The following MEGF10 variants were observed in gnomAD, a reference collection of about 807,000 sequenced individuals.
The protein encoded by MEGF10 is multiple EGF like domains 10.
In MEGF10, 86 loss-of-function variants were observed where a neutral mutation model predicts 147.5. The ratio of observed to expected loss-of-function variants is 0.58; its 90% confidence interval spans 0.49 to 0.70. The LOEUF (loss-of-function observed/expected upper bound fraction) is 0.70, where lower values mean the gene tolerates loss of function less well. MEGF10 is among the 30% of genes least tolerant of loss of function. The pLI is 0.00. For synonymous variants in MEGF10, 478 were observed against 525.5 expected (o/e 0.91, Z 1.24); for missense variants, 1,329 against 1,487.3 (o/e 0.89, Z 1.75).
At chr5:127,346,806 T>A (rs1044603166) in intron 4 of MEGF10, among the ~76,000 whole-genome samples, 3 of 152,170 alleles carry the variant, frequency 2.0e-5, no homozygotes, top group Non-Finnish European at 4.4e-5. Flanking sequence ...ACAGGTTGAG[T>A]ATCCAAAATG....
At chr5:127,369,552 T>C (rs1762776864) in intron 4 of MEGF10, among the ~76,000 whole-genome samples, 1 of 152,216 alleles carries the variant, frequency 6.6e-6, no homozygotes, top group Non-Finnish European at 1.5e-5. Flanking sequence ...ATATCTTGCT[T>C]TGTGTTTCGT....
At chr5:127,352,951 C>T (rs1266679164) in intron 4 of MEGF10, among the ~76,000 whole-genome samples, 2 of 152,210 alleles carry the variant, frequency 1.3e-5, no homozygotes, top group Non-Finnish European at 2.9e-5. Context: ...CTTCCTAGCT[C>T]TTGCACTCAT....
In MEGF10 at chr5:127,350,356, G is replaced by A. The variant is rs574346436; in HGVS notation, c.319+9726G>A. Among the ~76,000 whole-genome samples the A allele has an allele frequency of 7.2e-5, 11 of 152,238 alleles. No individual in the cohort carries two copies. In the East Asian group the frequency reaches 2.1e-3, roughly 29 times the overall value. On this transcript the variant is annotated intron_variant, in intron 4 of 24. Transcript: ENST00000503335. ...TAAGATAAAAATTTGTATAACTCAA[G>A]TTGTCTTGAATATTGTGTGTCCCAA...
rs1291102521 is a variant in MEGF10 at position 127,445,497 on chromosome 5, A to C, written c.2532A>C (p.Arg844=). The change falls in exon 20 of 25, where the codon CGA becomes CGC. Residue 844 remains arginine, a synonymous_variant. Transcript: ENST00000503335. The stretch of plus-strand genomic sequence containing the variant: ...TTGGAAATCTGAACAGCTTAAGCCG[A>C]ACCAGTACTGCTCTCCCTGCTGATT... The part of the protein sequence containing the change: ...IIVGNLNSLS[R]TSTALPADSY... 6.2e-7 allele frequency: 1 copy of C among 1,614,172 alleles called. No homozygotes were observed. The highest frequency in any genetic ancestry group is 1.1e-5 in the South Asian group (1 of 91,074).
intron 4 of MEGF10, among the ~76,000 whole-genome samples, chr5:127,354,201 C>T (rs1209421917): frequency 1.3e-5 from 2 of 152,120 alleles, no homozygotes; most frequent in Non-Finnish European, 2.9e-5. Flanking sequence ...GTTTGAATGT[C>T]ATGCTTCAGA....
chr5:127,304,668 A>AT (rs1318499093), intron 1 of MEGF10, among the ~76,000 whole-genome samples: 1 of 151,904 alleles, frequency 6.6e-6, no homozygotes, highest in Non-Finnish European at 1.5e-5. Flanking sequence ...TAATTTTTGT[A>AT]TTTTTTGGTA....
chr5:127,457,284 G>A lies in MEGF10; in HGVS notation c.3389G>A (p.Gly1130Asp), dbSNP rs1306295464. 1 of 1,613,896 alleles carries A rather than the reference G, an allele frequency of 6.2e-7. No individual in the cohort carries two copies. Among genetic ancestry groups the A allele is most frequent in the Non-Finnish European group, 8.5e-7 (1 of 1,179,988 alleles). The change falls in exon 25 of 25, where the codon GGT (glycine) becomes GAT (aspartate). Residue 1130 changes from glycine (G) to aspartate (D), a missense_variant. Physicochemically the swap from Gly to Asp is moderately conservative, Grantham distance 94. Transcript: ENST00000503335. ...SSSPKQEDSG[G>D]SSSNSSSSSE ...TCCCCTAAGCAAGAGGACAGTGGTG[G>A]TAGCAGCAGCAACAGCAGCAGCAGC...
Position 127,445,686 on chromosome 5 carries a change from C to T in MEGF10, c.2721C>T (p.Thr907=), listed in dbSNP as rs769352686. 4 of 1,612,244 alleles carry T rather than the reference C, an allele frequency of 2.5e-6. No individual in the cohort carries two copies. The highest frequency in any genetic ancestry group is 3.4e-6 in the Non-Finnish European group (4 of 1,178,398). The change falls in exon 20 of 25, where the codon ACC becomes ACT. Residue 907 remains threonine, a synonymous_variant. Transcript: ENST00000503335. ...PAMRVVNADY[T]ISGTLPHSNG... ...TGAGGGTCGTCAATGCAGATTATACCATTTCAGGTAAGAGCAGAGGCAGGA... is the reference window on the plus strand; with the variant it reads ...TGAGGGTCGTCAATGCAGATTATACTATTTCAGGTAAGAGCAGAGGCAGGA...
At position 127,347,108 on chromosome 5, in the gene MEGF10, G is replaced by A. The variant is rs78901015; in HGVS notation, c.319+6478G>A. 2.4e-3 allele frequency among the ~76,000 whole-genome samples: 360 copies of A among 152,046 alleles called. 1 individual carries two copies. Among genetic ancestry groups the A allele is most frequent in the African/African-American group, 8.1e-3 (337 of 41,490 alleles). ...TATTTTCAGATTTTGGAGCATTTTG[G>A]CTTTTGGGTTTTTGCATTAGGGATG... is the stretch of plus-strand genomic sequence containing the variant. On this transcript the variant is annotated intron_variant, in intron 4 of 24. Transcript: ENST00000503335.
intron 4 of MEGF10, among the ~76,000 whole-genome samples, chr5:127,366,354 G>A (rs759981799): frequency 6.6e-6 from 1 of 152,190 alleles, no homozygotes; most frequent in African/African-American, 2.4e-5. Context: ...AGGGCATGCA[G>A]CAGAGATGGC....
At chr5:127,451,867 A>G (rs2127038093) in intron 22 of MEGF10, among the ~76,000 whole-genome samples, 1 of 152,352 alleles carries the variant, frequency 6.6e-6, no homozygotes, top group East Asian at 1.9e-4. Context: ...GTTATGGATG[A>G]TAAAGCTTAC....
intron 1 of MEGF10, among the ~76,000 whole-genome samples, chr5:127,322,179 T>C (rs2126764221): frequency 6.6e-6 from 1 of 152,166 alleles, no homozygotes; most frequent in African/African-American, 2.4e-5. Flanking sequence ...GTCATTTTTC[T>C]CAGATTCCTT....
At chr5:127,294,536 C>T (rs552438638) in intron 1 of MEGF10, among the ~76,000 whole-genome samples, 10 of 152,194 alleles carry the variant, frequency 6.6e-5, no homozygotes, top group South Asian at 2.1e-4. Context: ...TGGTGCCTCA[C>T]GCCTGTAATC....
intron 6 of MEGF10, among the ~76,000 whole-genome samples, chr5:127,397,515 C>G (rs2126924165): frequency 6.6e-6 from 1 of 152,232 alleles, no homozygotes; most frequent in East Asian, 1.9e-4. Flanking sequence ...TAGAAAAATC[C>G]TCTTCCCTTA....
chr5:127,250,509 C>T, the MEGF10 span, among the ~76,000 whole-genome samples: 1 of 151,972 alleles, frequency 6.6e-6, no homozygotes, highest in African/African-American at 2.4e-5. Context: ...TAGAAGGAAA[C>T]TTCATTGAAC....
Position 127,445,844 on chromosome 5 carries a change from A to G in MEGF10, c.2728+151A>G, listed in dbSNP as rs1765925428. Reference sequence around the variant, plus strand: ...GTTTGGAAAAGGTATACATTGCTAGAGATGAGTTTTTTATTTCAACAATAG... The same window carrying G: ...GTTTGGAAAAGGTATACATTGCTAGGGATGAGTTTTTTATTTCAACAATAG... On this transcript the variant is annotated intron_variant, in intron 20 of 24. Transcript: ENST00000503335. 13 of 663,416 alleles carry G rather than the reference A, an allele frequency of 2.0e-5. 1 individual carries two copies. The South Asian group carries it at 2.4e-4, about 12-fold the overall frequency. 41.1% of individuals were successfully genotyped at this position (663,416 alleles called of 1,614,324 possible). A position where few individuals can be genotyped will look rare whatever the true frequency, so the allele number is the denominator to read the frequency against.
At chr5:127,422,095 A>G (rs1359539386) in intron 12 of MEGF10, among the ~76,000 whole-genome samples, 5 of 151,964 alleles carry the variant, frequency 3.3e-5, no homozygotes, top group African/African-American at 1.2e-4. Flanking sequence ...GTGTGTTGGC[A>G]TGATTGGCTT....
intron 22 of MEGF10, among the ~76,000 whole-genome samples, chr5:127,454,176 T>A (rs552572930): frequency 7.2e-5 from 11 of 152,150 alleles, no homozygotes; most frequent in Non-Finnish European, 1.3e-4. Context: ...CGAATAATGA[T>A]TATTGGGAAA....
the MEGF10 span, among the ~76,000 whole-genome samples, chr5:127,232,950 CTGTG>C: frequency 1.3e-5 from 2 of 152,088 alleles, no homozygotes; most frequent in Non-Finnish European, 2.9e-5. Flanking sequence ...CTGGATATTT[CTGTG>C]AGCCTTAATC....
Sources: allele counts gnomAD v4.1 joint callset (sites outside exome capture counted in the v4.1 genomes callset), GRCh38; gene constraint gnomAD v4.1.1; transcripts MANE v1.5; gene names NCBI Gene and HGNC (gene_info 2026-07-23, HGNC 2026-07-21).